Variants in SAMM50 observed in about 807,000 individuals in gnomAD.
The protein encoded by SAMM50 is SAMM50 sorting and assembly machinery component, also known as sorting and assembly machinery component 50 homolog.
In SAMM50, 47 loss-of-function variants were observed where a neutral mutation model predicts 66.9. That is an observed-to-expected ratio of 0.70 (90% confidence interval 0.56 to 0.90). The LOEUF (loss-of-function observed/expected upper bound fraction) is 0.90. Among genes scored for constraint, SAMM50 ranks in the 40% least tolerant of loss-of-function variants. The probability of loss-of-function intolerance (pLI) is 0.00; values close to 1 mark genes in which losing one functional copy is unlikely to be tolerated. For missense variants in SAMM50, 535 were observed against 595.3 expected, an observed-to-expected ratio of 0.90 and a Z score of 1.05; for synonymous variants, 191 against 214.1, an observed-to-expected ratio of 0.89 and a Z score of 0.94.
At chr22:43,979,617 T>G (rs2050252086) in intron 10 of SAMM50, among the ~76,000 whole-genome samples, 1 of 151,964 alleles carries the variant, frequency 6.6e-6, no homozygotes. Flanking sequence ...TTAGTCTTTT[T>G]GAGTCGTCTT....
rs2050163258 is a variant in SAMM50, at chr22:43,964,522, G to A, written c.203G>A (p.Gly68Glu). The change falls in exon 3 of 15, where the codon GGA (glycine) becomes GAA (glutamate). Residue 68 changes from glycine (G) to glutamate (E), a missense_variant. Physicochemically the swap from Gly to Glu is moderately conservative, Grantham distance 98. Coordinates refer to ENST00000350028, the MANE Select transcript of SAMM50 (RefSeq NM_015380.5). ...TKDDIIICEI[G>E]DVFKAKNLIE... ...GATGATATCATCATTTGTGAAATTG[G>A]AGATGTTTTCAAGGCCAAAAACCTA... is the stretch of plus-strand genomic sequence containing the variant. 1 of 1,611,122 alleles carries A rather than the reference G, an allele frequency of 6.2e-7. No homozygotes were observed. Among genetic ancestry groups the A allele is most frequent in the African/African-American group, 1.3e-5 (1 of 74,968 alleles).
chr22:43,975,885 T>C lies in SAMM50; in HGVS notation c.649-170T>C, dbSNP rs554760571. 4.8e-4 allele frequency: 309 copies of C among 649,716 alleles called. 1 individual carries two copies. In the South Asian group the frequency reaches 6.2e-3, roughly 13 times the overall value. 40.2% of individuals were successfully genotyped at this position (649,716 alleles called of 1,614,324 possible). On this transcript the variant is annotated intron_variant, in intron 7 of 14. Transcript: ENST00000350028. The stretch of plus-strand genomic sequence containing the variant: ...CCTTTCTTCCTTTGTCCTTCTTCCC[T>C]CTGGTTTTCTCTTCCCCTTCTTCTC...
intron 10 of SAMM50, among the ~76,000 whole-genome samples, chr22:43,980,135 C>T (rs1188812088): frequency 1.6e-3 from 67 of 40,988 alleles, no homozygotes; most frequent in South Asian, 3.9e-3. Flanking sequence ...TACCCACCCA[C>T]ACATCCATCC....
intron 3 of SAMM50, among the ~76,000 whole-genome samples, chr22:43,966,048 C>T (rs948077769): frequency 1.3e-5 from 2 of 152,162 alleles, no homozygotes; most frequent in South Asian, 4.1e-4. Context: ...GCCATGTTGT[C>T]CAGGCTGATC....
At chr22:43,962,612 G>A (rs1171102548) in intron 1 of SAMM50, among the ~76,000 whole-genome samples, 1 of 152,016 alleles carries the variant, frequency 6.6e-6, no homozygotes, top group African/African-American at 2.4e-5. Context: ...AACCTGTCAG[G>A]GTCTACATAA....
chr22:43,996,190 T>TGAGGGTGAGGCCGGC (rs1180095346), intron 14 of SAMM50, 148 bp from the exon 15 acceptor site: 47 of 818,396 alleles, frequency 5.7e-5, no homozygotes, highest in South Asian at 4.2e-4. Context: ...CCGGGGCCGG[T>TGAGGGTGAGGCCGGC]GAGGGTGAGG....
intron 9 of SAMM50, 39 bp from the exon 10 acceptor site, chr22:43,977,833 C>T (rs367754791): frequency 7.2e-7 from 1 of 1,380,226 alleles, no homozygotes; most frequent in Non-Finnish European, 1.0e-6. Flanking sequence ...TGTAATAAGT[C>T]TGTTTGCTCC....
At chr22:43,968,961 T>C (rs1261157197) in intron 4 of SAMM50, 143 bp downstream of exon 4, 4 of 609,088 alleles carry the variant, frequency 6.6e-6, no homozygotes, top group Non-Finnish European at 1.2e-5. Context: ...AGGTAGTCCT[T>C]GAGTTAGCAG....
intron 1 of SAMM50, 148 bp downstream of exon 1, chr22:43,955,746 G>C (rs2050115887): frequency 2.4e-6 from 2 of 831,552 alleles, no homozygotes; most frequent in Non-Finnish European, 3.7e-6. Flanking sequence ...AGGCCGAAAA[G>C]AGGTCGCCTC....
chr22:43,955,708 G>A (rs2146801620), intron 1 of SAMM50, 110 bp downstream of exon 1: 1 of 1,211,488 alleles, frequency 8.3e-7, no homozygotes, highest in Non-Finnish European at 1.1e-6. Context: ...GGGAGAGAGG[G>A]TGCCAAGGGT....
intron 1 of SAMM50, among the ~76,000 whole-genome samples, chr22:43,959,255 G>A (rs188016189): frequency 3.7e-4 from 57 of 152,094 alleles, no homozygotes; most frequent in Admixed American, 1.2e-3. Flanking sequence ...CTGATCTCAG[G>A]TGATCTGCCT....
rs75439392 is a variant in SAMM50 at position 43,981,341 on chromosome 22, G to T, written c.937-50G>T. On this transcript the variant is annotated intron_variant, in intron 10 of 14. Transcript: ENST00000350028. ...CAGTTGCTAGTTGCTGATGTTCCTG[G>T]AGTGAAAGGAATGCTGGGAGAAAAC... 0.057 allele frequency: 82,012 copies of T among 1,437,030 alleles called. 2,728 individuals are homozygous for T. Among genetic ancestry groups the T allele is most frequent in the Middle Eastern group, 0.084 (483 of 5,742 alleles). The allele number at this position is 1,437,030 out of a possible 1,614,324, so 89.0% of individuals were successfully genotyped here.
intron 4 of SAMM50, among the ~76,000 whole-genome samples, chr22:43,971,147 G>A (rs2050201592): frequency 6.6e-6 from 1 of 152,184 alleles, no homozygotes; most frequent in South Asian, 2.1e-4. Flanking sequence ...CAGCCTGGGT[G>A]ACAGAATGAG....
chr22:43,963,158 C>G (rs992865253), intron 1 of SAMM50, 128 bp from the exon 2 acceptor site: 16 of 596,772 alleles, frequency 2.7e-5, no homozygotes, highest in African/African-American at 2.4e-4. Flanking sequence ...CCTATTCCTG[C>G]CCCTACCTCT....
At chr22:43,993,122 G>A (rs1429589715) in intron 14 of SAMM50, among the ~76,000 whole-genome samples, 5 of 152,310 alleles carry the variant, frequency 3.3e-5, no homozygotes, top group South Asian at 2.1e-4. Flanking sequence ...CCCCAGAGGC[G>A]CTGTGACGCT....
intron 12 of SAMM50, among the ~76,000 whole-genome samples, chr22:43,984,352 G>T (rs1245225202): frequency 6.6e-6 from 1 of 152,088 alleles, no homozygotes; most frequent in East Asian, 1.9e-4. Context: ...TCGCCCTGTT[G>T]CCTAGGCTGG....
chr22:43,956,792 C>T (rs2050121847), intron 1 of SAMM50, among the ~76,000 whole-genome samples: 1 of 152,178 alleles, frequency 6.6e-6, no homozygotes, highest in African/African-American at 2.4e-5. Flanking sequence ...AGTCTTCAAA[C>T]TGGTTGGCAG....
At chr22:43,979,567 C>T (rs1384955259) in intron 10 of SAMM50, among the ~76,000 whole-genome samples, 1 of 152,140 alleles carries the variant, frequency 6.6e-6, no homozygotes, top group Non-Finnish European at 1.5e-5. Context: ...TCCTCTCCTA[C>T]TCCCTGCCTT....
chr22:43,972,109 T>C (rs1029972823), intron 4 of SAMM50, 127 bp from the exon 5 acceptor site: 6 of 563,524 alleles, frequency 1.1e-5, no homozygotes, highest in Non-Finnish European at 1.9e-5. Context: ...CTCATGATTA[T>C]ATTATTTTCT....
Sources: allele counts gnomAD v4.1 joint callset (sites outside exome capture counted in the v4.1 genomes callset), GRCh38; gene constraint gnomAD v4.1.1; transcripts MANE v1.5; gene names NCBI Gene and HGNC (gene_info 2026-07-23, HGNC 2026-07-21).